NKD1: variants seen among roughly 807,000 people sequenced by gnomAD.
The protein encoded by NKD1 is NKD inhibitor of Wnt signaling pathway 1.
A neutral mutation model predicts 56.0 loss-of-function variants in NKD1; 21 were observed. The ratio of observed to expected loss-of-function variants is 0.38; its 90% CI spans 0.27 to 0.54. The LOEUF (loss-of-function observed/expected upper bound fraction) is 0.54. Ranked by LOEUF, NKD1 falls within the 20% of genes least tolerant of loss-of-function variation. The pLI, the probability that NKD1 is intolerant of heterozygous loss-of-function variation, is 0.82. For missense variants in NKD1, 578 were observed against 642.7 expected, an observed-to-expected ratio of 0.90 and a Z score of 1.09; for synonymous variants, 263 against 265.7, an observed-to-expected ratio of 0.99 and a Z score of 0.10.
In NKD1 at chr16:50,574,144, G is replaced by A. The variant is rs974460052; in HGVS notation, c.192+24589G>A. 11 of 923,908 alleles carry A rather than the reference G, an allele frequency of 1.2e-5. No homozygotes were observed. In the African/African-American group the frequency reaches 2.0e-4, roughly 17 times the overall value. The allele number at this position is 923,908 out of a possible 1,614,324, so 57.2% of individuals were successfully genotyped here. A position where few individuals can be genotyped will look rare whatever the true frequency, so the allele number is the denominator to read the frequency against. On this transcript the variant is annotated intron_variant, in intron 3 of 9. Transcript: ENST00000268459. Reference sequence around the variant, plus strand: ...ACATGGGTATTGGGTGATAGAACTTGATGCTGGATCCAAATGCAGGACTGC... The same window carrying A: ...ACATGGGTATTGGGTGATAGAACTTAATGCTGGATCCAAATGCAGGACTGC...
intron 3 of NKD1, among the ~76,000 whole-genome samples, chr16:50,561,656 A>G (rs1045215724): frequency 2.0e-5 from 3 of 152,170 alleles, no homozygotes; most frequent in African/African-American, 7.2e-5. Flanking sequence ...AATCAGATTT[A>G]CATGGTGGCT....
intron 2 of NKD1, chr16:50,548,968 ACCCCTC>A: frequency 2.2e-6 from 2 of 927,232 alleles, no homozygotes; most frequent in Non-Finnish European, 2.5e-6. Context: ...CTGACCCTCA[ACCCCTC>A]CCCCTCCCGC....
At chr16:50,583,328 A>C (rs1343493196) in intron 3 of NKD1, among the ~76,000 whole-genome samples, 1 of 152,220 alleles carries the variant, frequency 6.6e-6, no homozygotes, top group South Asian at 2.1e-4. Flanking sequence ...GGTCACGTGG[A>C]GAGTGAGGCT....
chr16:50,553,667 T>C (rs1478923239), intron 3 of NKD1: 1 of 152,258 alleles, frequency 6.6e-6, no homozygotes, highest in African/African-American at 2.4e-5. Context: ...CTTTACGTGG[T>C]TTCAAAGCTA....
In NKD1 at chr16:50,589,768, TCTCCTCTC is replaced by T. The variant is rs1961320474; in HGVS notation, c.193-18522_193-18515del. Among the ~76,000 whole-genome samples the T allele has an allele frequency of 2.5e-3, 191 of 77,738 alleles. 9 individuals carry two copies. The highest frequency in any genetic ancestry group is 6.4e-3 in the African/African-American group (117 of 18,160). 51.0% of individuals were successfully genotyped at this position (77,738 alleles called of 152,430 possible). On this transcript the variant is annotated intron_variant, in intron 3 of 9. Transcript: ENST00000268459. ...TCTTCTCTTCTCTTCTCTTCTCTCC[TCTCCTCTC>T]CTCTCCTCTCCTCTCCTCTCCTCTC...
At position 50,570,389 on chromosome 16, in the gene NKD1, G is replaced by A. The variant is rs543823561; in HGVS notation, c.192+20834G>A. ...CATCCAGTATATAAACAGATCCACA[G>A]AATACCTGTGATATTAAAATGTTAT... On this transcript the variant is annotated intron_variant, in intron 3 of 9. Coordinates refer to ENST00000268459, the MANE Select transcript of NKD1 (RefSeq NM_033119.5). Among the ~76,000 whole-genome samples, 9 of 152,248 alleles carry A rather than the reference G, an allele frequency of 5.9e-5. No individual in the cohort carries two copies. The East Asian group carries it at 1.5e-3, about 26-fold the overall frequency.
chr16:50,574,089 T>C, intron 3 of NKD1: 1 of 816,650 alleles, frequency 1.2e-6, no homozygotes, highest in Non-Finnish European at 1.5e-6. Flanking sequence ...AAACTGAGGC[T>C]CCAAGTGGCA....
chr16:50,587,358 T>G (rs1961252894), intron 3 of NKD1, among the ~76,000 whole-genome samples: 1 of 152,124 alleles, frequency 6.6e-6, no homozygotes, highest in African/African-American at 2.4e-5. Context: ...TCTTTATATA[T>G]GAGATTTTGT....
chr16:50,628,369 T>C (rs1257944586), intron 6 of NKD1, among the ~76,000 whole-genome samples: 1 of 152,228 alleles, frequency 6.6e-6, no homozygotes, highest in Non-Finnish European at 1.5e-5. Context: ...CATGCCTGCC[T>C]GGCTGGGGCT....
intron 3 of NKD1, among the ~76,000 whole-genome samples, chr16:50,585,999 G>A (rs1375448431): frequency 3.3e-5 from 5 of 152,086 alleles, no homozygotes; most frequent in Admixed American, 1.3e-4. Context: ...AAGGTTTCAC[G>A]AGGCAGGGAT....
At chr16:50,579,779 C>T (rs1961076554) in intron 3 of NKD1, among the ~76,000 whole-genome samples, 1 of 152,260 alleles carries the variant, frequency 6.6e-6, no homozygotes, top group East Asian at 1.9e-4. Flanking sequence ...GCTACACACG[C>T]ACTCTAACCC....
At chr16:50,611,868 G>T (rs1039761017) in intron 4 of NKD1, among the ~76,000 whole-genome samples, 7 of 152,146 alleles carry the variant, frequency 4.6e-5, no homozygotes, top group African/African-American at 1.4e-4. Flanking sequence ...ATGGATGTAG[G>T]TCGCAAGGGT....
intron 3 of NKD1, among the ~76,000 whole-genome samples, chr16:50,562,599 C>T (rs961255996): frequency 6.6e-6 from 1 of 152,062 alleles, no homozygotes; most frequent in Non-Finnish European, 1.5e-5. Context: ...TCGATGCGGC[C>T]GAGGACCACC....
At chr16:50,631,017 A>ATG in intron 8 of NKD1, 107 bp downstream of exon 8, 2 of 755,880 alleles carry the variant, frequency 2.6e-6, no homozygotes, top group Non-Finnish European at 4.2e-6. Context: ...CTCTTCAGGG[A>ATG]GCCAACACTT....
chr16:50,548,884 C>T, intron 2 of NKD1, 135 bp downstream of exon 2: 1 of 1,143,882 alleles, frequency 8.7e-7, no homozygotes. Context: ...CCCCCCAAGC[C>T]CGCTCCCTGA....
rs1962549141 is a variant in NKD1, at chr16:50,640,002, G to C, written c.*6221G>C. ...TTTGCTGTACTGCAAACTCAGGCTT[G>C]GTTCCAAGCTTATGGGGGCCCTGTC... On this transcript the variant is annotated 3_prime_UTR_variant, in exon 10 of 10. Coordinates refer to ENST00000268459, the MANE Select transcript of NKD1 (RefSeq NM_033119.5). 6.6e-6 allele frequency: 1 copy of C among 152,222 alleles called. No homozygotes were observed. Among genetic ancestry groups the C allele is most frequent in the African/African-American group, 2.4e-5 (1 of 41,434 alleles). The allele number at this position is 152,222 out of a possible 1,614,324, so 9.4% of individuals were successfully genotyped here.
chr16:50,643,828 T>G lies in NKD1; in HGVS notation c.*10047T>G, dbSNP rs1962625992. On this transcript the variant is annotated 3_prime_UTR_variant, in exon 10 of 10. Transcript: ENST00000268459. Reference sequence around the variant, plus strand: ...TGAACTCAGCCAACAGCTCTATAACTCATGACTGAATGAAGCTTATCTAGC... The same window carrying G: ...TGAACTCAGCCAACAGCTCTATAACGCATGACTGAATGAAGCTTATCTAGC... The G allele has an allele frequency of 6.6e-6, 1 of 152,224 alleles. No individual in the cohort carries two copies. The highest frequency in any genetic ancestry group is 1.9e-4 in the East Asian group (1 of 5,200). The allele number at this position is 152,224 out of a possible 1,614,324, so 9.4% of individuals were successfully genotyped here.
intron 4 of NKD1, among the ~76,000 whole-genome samples, chr16:50,615,826 C>T (rs1365564231): frequency 1.3e-5 from 2 of 152,212 alleles, no homozygotes; most frequent in African/African-American, 4.8e-5. Flanking sequence ...ACTTCACCAG[C>T]CTCTCCATGC....
At chr16:50,615,807 G>A (rs537837100) in intron 4 of NKD1, among the ~76,000 whole-genome samples, 1 of 152,192 alleles carries the variant, frequency 6.6e-6, no homozygotes, top group Non-Finnish European at 1.5e-5. Context: ...ATAATGTGTG[G>A]TACTACTAAC....
Sources: allele counts gnomAD v4.1 joint callset (sites outside exome capture counted in the v4.1 genomes callset), GRCh38; gene constraint gnomAD v4.1.1; transcripts MANE v1.5; gene names NCBI Gene and HGNC (gene_info 2026-07-23, HGNC 2026-07-21).